The following PTPN4 variants were observed in gnomAD, a reference collection of about 807,000 sequenced individuals.
The protein encoded by PTPN4 is tyrosine-protein phosphatase non-receptor type 4.
Under a neutral mutation model 135.5 loss-of-function variants are expected in PTPN4, and 49 were observed. The observed-to-expected ratio is 0.36, with a 90% CI of 0.29 to 0.46. PTPN4 has a LOEUF of 0.46. Ranked by LOEUF, PTPN4 falls within the 20% of genes least tolerant of loss-of-function variation. The probability of loss-of-function intolerance (pLI) is 1.00; values close to 1 mark genes in which losing one functional copy is unlikely to be tolerated. For synonymous variants in PTPN4, 333 were observed against 369.9 expected, an observed-to-expected ratio of 0.90 and a Z score of 1.14; for missense variants, 860 against 1,101.0, an observed-to-expected ratio of 0.78 and a Z score of 3.10.
rs150006572 is a variant in PTPN4, at chr2:119,807,887, C to T, written c.-17-1950C>T. Among the ~76,000 whole-genome samples, 355 of 152,228 alleles carry T rather than the reference C, an allele frequency of 2.3e-3. 17 individuals carry two copies. The East Asian group carries it at 0.048, about 20-fold the overall frequency. The stretch of plus-strand genomic sequence containing the variant: ...GAAAGCTTATCCCCCAAGATCAAGT[C>T]GGCTTCATCCCTGGGATGCAAGGCT... On this transcript the variant is annotated intron_variant, in intron 1 of 26. Transcript: ENST00000263708.
intron 10 of PTPN4, among the ~76,000 whole-genome samples, chr2:119,901,591 G>A (rs764622186): frequency 4.6e-5 from 7 of 152,218 alleles, no homozygotes; most frequent in Middle Eastern, 6.8e-3. Context: ...ATTACAAGAC[G>A]TGTCGAAAGG....
intron 2 of PTPN4, among the ~76,000 whole-genome samples, chr2:119,820,883 A>ATT (rs1553444610): frequency 8.4e-5 from 12 of 142,044 alleles, no homozygotes; most frequent in African/African-American, 2.9e-4. Flanking sequence ...ACATACACAC[A>ATT]TGTGTGTGTA....
chr2:119,765,455 A>G lies in PTPN4; in HGVS notation c.-18+5071A>G, dbSNP rs112295869. 8.3e-3 allele frequency among the ~76,000 whole-genome samples: 1,265 copies of G among 152,292 alleles called. 17 individuals are homozygous for G. Among genetic ancestry groups the G allele is most frequent in the African/African-American group, 0.026 (1,071 of 41,552 alleles). ...AGATCTCTCTCTTACAGAAGTACCT[A>G]CAGTGGTTGTTCTTGTTTTGGGAAG... is the stretch of plus-strand genomic sequence containing the variant. On this transcript the variant is annotated intron_variant, in intron 1 of 26. Transcript: ENST00000263708.
At chr2:119,962,422 C>G (rs1316398288) in intron 23 of PTPN4, among the ~76,000 whole-genome samples, 194 bp from the exon 24 acceptor site, 3 of 150,920 alleles carry the variant, frequency 2.0e-5, no homozygotes, top group African/African-American at 4.9e-5. Context: ...CTATTGCACT[C>G]TAGCCTGGGC....
At chr2:119,973,664 T>TTTTTTTTTTTTTTTA (rs1679570947) in intron 26 of PTPN4, among the ~76,000 whole-genome samples, 1 of 136,670 alleles carries the variant, frequency 7.3e-6, no homozygotes, top group African/African-American at 2.9e-5. Context: ...TGTTTTTTTT[T>TTTTTTTTTTTTTTTA]TTTTTTTTTT....
intron 1 of PTPN4, among the ~76,000 whole-genome samples, chr2:119,773,812 T>G (rs984332701): frequency 1.3e-5 from 2 of 152,160 alleles, no homozygotes; most frequent in East Asian, 3.9e-4. Flanking sequence ...CTAGTCTACT[T>G]TATCATTTAC....
chr2:119,841,903 G>A (rs968223574), intron 2 of PTPN4, among the ~76,000 whole-genome samples: 2 of 152,104 alleles, frequency 1.3e-5, no homozygotes, highest in Admixed American at 6.5e-5. Flanking sequence ...GGTGTTTGAG[G>A]TAACTAATTT....
intron 2 of PTPN4, among the ~76,000 whole-genome samples, chr2:119,836,699 G>A (rs1677299410): frequency 6.6e-6 from 1 of 152,360 alleles, no homozygotes; most frequent in East Asian, 1.9e-4. Flanking sequence ...GCCCCTGCAG[G>A]CTTGGAAGTA....
intron 5 of PTPN4, among the ~76,000 whole-genome samples, chr2:119,880,596 ATT>A (rs754993839): frequency 7.0e-6 from 1 of 143,376 alleles, no homozygotes; most frequent in Non-Finnish European, 1.5e-5. Flanking sequence ...CGCCTGGCTA[ATT>A]TTTTTTTTTT....
rs117720031 is a variant in PTPN4, at chr2:119,775,004, G to A, written c.-18+14620G>A. Among the ~76,000 whole-genome samples, 210 of 146,556 alleles carry A rather than the reference G, an allele frequency of 1.4e-3. 8 individuals carry two copies. In the East Asian group the frequency reaches 0.038, roughly 27 times the overall value. On this transcript the variant is annotated intron_variant, in intron 1 of 26. Coordinates refer to ENST00000263708, the MANE Select transcript of PTPN4 (RefSeq NM_002830.4). ...TGCACTCCAGCCTGAGCAACACAGCGAGACTGCTAAAAAAAAAATAAAAAG... is the reference window on the plus strand; with the variant it reads ...TGCACTCCAGCCTGAGCAACACAGCAAGACTGCTAAAAAAAAAATAAAAAG...
chr2:119,810,064 A>T, intron 2 of PTPN4, 73 bp downstream of exon 2: 1 of 1,452,648 alleles, frequency 6.9e-7, no homozygotes, highest in Admixed American at 2.3e-5. Context: ...GTAAACTAGG[A>T]TTATTAAATT....
intron 1 of PTPN4, among the ~76,000 whole-genome samples, chr2:119,771,008 T>A (rs889766469): frequency 6.6e-6 from 1 of 151,996 alleles, no homozygotes. Flanking sequence ...GCCTCCCGAG[T>A]GGCTGGGACT....
At chr2:119,805,474 G>A (rs1168414946) in intron 1 of PTPN4, among the ~76,000 whole-genome samples, 1 of 152,138 alleles carries the variant, frequency 6.6e-6, no homozygotes, top group Non-Finnish European at 1.5e-5. Context: ...TGTATAAGGT[G>A]TAAGGAAGGG....
At chr2:119,956,814 T>C in intron 20 of PTPN4, 30 bp from the exon 21 acceptor site, 2 of 1,578,968 alleles carry the variant, frequency 1.3e-6, no homozygotes, top group South Asian at 2.4e-5. Context: ...TGGCTTTTGT[T>C]GGAATTGTAC....
chr2:119,885,940 C>G, intron 9 of PTPN4, 58 bp downstream of exon 9: 2 of 1,183,566 alleles, frequency 1.7e-6, no homozygotes, highest in South Asian at 3.4e-5. Context: ...CTCAATATAA[C>G]ATTTTTTAAG....
intron 3 of PTPN4, among the ~76,000 whole-genome samples, chr2:119,869,355 A>G (rs868433107): frequency 6.6e-6 from 1 of 152,194 alleles, no homozygotes; most frequent in African/African-American, 2.4e-5. Context: ...GCATATTGCA[A>G]ATGGGTGCAG....
chr2:119,930,729 A>G (rs1644691129), intron 13 of PTPN4, among the ~76,000 whole-genome samples: 1 of 152,112 alleles, frequency 6.6e-6, no homozygotes, highest in Non-Finnish European at 1.5e-5. Context: ...GAAACTTCAA[A>G]CTTCATGAGA....
At chr2:119,924,756 T>C (rs1036701005) in intron 12 of PTPN4, among the ~76,000 whole-genome samples, 1 of 152,122 alleles carries the variant, frequency 6.6e-6, no homozygotes, top group Non-Finnish European at 1.5e-5. Flanking sequence ...AACTTGTTAC[T>C]CCAGCCTTTT....
intron 2 of PTPN4, among the ~76,000 whole-genome samples, chr2:119,859,001 T>C (rs1384997985): frequency 6.6e-6 from 1 of 152,158 alleles, no homozygotes; most frequent in Non-Finnish European, 1.5e-5. Flanking sequence ...TTATTTTTTT[T>C]CTTTCTTATC....
Sources: allele counts gnomAD v4.1 joint callset (sites outside exome capture counted in the v4.1 genomes callset), GRCh38; gene constraint gnomAD v4.1.1; transcripts MANE v1.5; gene names NCBI Gene and HGNC (gene_info 2026-07-23, HGNC 2026-07-21).